The following THSD4 variants were observed in gnomAD, a reference collection of about 807,000 sequenced individuals.
The protein encoded by THSD4 is thrombospondin type-1 domain-containing protein 4.
A neutral mutation model predicts 119.0 loss-of-function variants in THSD4; 69 were observed. The observed-to-expected ratio is 0.58, with a 90% CI of 0.48 to 0.71. The LOEUF (loss-of-function observed/expected upper bound fraction) is 0.71, where lower values mean the gene tolerates loss of function less well. Ranked by LOEUF, THSD4 falls within the 30% of genes least tolerant of loss-of-function variation. The pLI, the probability that THSD4 is intolerant of heterozygous loss-of-function variation, is 0.00. For synonymous variants in THSD4, 524 were observed against 540.4 expected, an observed-to-expected ratio of 0.97 and a Z score of 0.42; for missense variants, 1,393 against 1,391.1, an observed-to-expected ratio of 1.00 and a Z score of -0.02.
chr15:71,704,140 G>A (rs571231661), intron 8 of THSD4, among the ~76,000 whole-genome samples: 8 of 152,314 alleles, frequency 5.3e-5, no homozygotes, highest in East Asian at 1.9e-4. Context: ...GAGCCACTGC[G>A]CCTGGCCTGA....
intron 7 of THSD4, among the ~76,000 whole-genome samples, chr15:71,506,341 C>T (rs2048186825): frequency 1.3e-5 from 2 of 152,208 alleles, no homozygotes; most frequent in African/African-American, 4.8e-5. Context: ...CAGCCTCTCC[C>T]TCCAAACTGC....
At position 71,482,716 on chromosome 15, in the gene THSD4, G is replaced by C. The variant is rs999739894; in HGVS notation, c.1152+70893G>C. ...TTCTCTTGCCTCAGCCTCCCAAGTAGCTGAGACTACAGGTGGCCGCCTCCA... is the reference window on the plus strand; with the variant it reads ...TTCTCTTGCCTCAGCCTCCCAAGTACCTGAGACTACAGGTGGCCGCCTCCA... On this transcript the variant is annotated intron_variant, in intron 7 of 17. Coordinates refer to ENST00000261862, the MANE Select transcript of THSD4 (RefSeq NM_024817.3). Among the ~76,000 whole-genome samples, 6 of 152,200 alleles carry C rather than the reference G, an allele frequency of 3.9e-5. 1 individual carries two copies. The highest frequency in any genetic ancestry group is 1.3e-4 in the Admixed American group (2 of 15,290).
chr15:71,596,413 G>A (rs2049908565), intron 7 of THSD4, among the ~76,000 whole-genome samples: 2 of 152,096 alleles, frequency 1.3e-5, no homozygotes, highest in Admixed American at 1.3e-4. Flanking sequence ...GTGGCCATCT[G>A]TTTTTCTGAT....
chr15:71,223,556 A>G (rs1474203917), intron 4 of THSD4, among the ~76,000 whole-genome samples: 1 of 152,202 alleles, frequency 6.6e-6, no homozygotes, highest in Non-Finnish European at 1.5e-5. Flanking sequence ...AGGGCTTAAT[A>G]GACATTGCCT....
Position 71,506,309 on chromosome 15 carries a change from C to T in THSD4, c.1152+94486C>T, listed in dbSNP as rs79327686. ...ATGATGTTTAGAACAATGCATTACCCGTCAGGATGAGTGATCTGTTTCAGC... is the reference window on the plus strand; with the variant it reads ...ATGATGTTTAGAACAATGCATTACCTGTCAGGATGAGTGATCTGTTTCAGC... On this transcript the variant is annotated intron_variant, in intron 7 of 17. Transcript: ENST00000261862. Among the ~76,000 whole-genome samples the T allele has an allele frequency of 6.1e-3, 923 of 152,242 alleles. 11 individuals carry two copies. The highest frequency in any genetic ancestry group is 0.016 in the African/African-American group (685 of 41,530).
chr15:71,532,283 A>AGAGTGTGTGTGT (rs1379506089), intron 7 of THSD4, among the ~76,000 whole-genome samples: 2 of 101,574 alleles, frequency 2.0e-5, no homozygotes, highest in African/African-American at 6.9e-5. Flanking sequence ...AGAGAGAGAG[A>AGAGTGTGTGTGT]GTGTGTGTGT....
At chr15:71,706,492 G>A (rs574005056) in intron 8 of THSD4, among the ~76,000 whole-genome samples, 199 of 152,246 alleles carry the variant, frequency 1.3e-3, no homozygotes, top group Admixed American at 2.4e-3. Flanking sequence ...GTGGATAGTT[G>A]GGATTGTCCA....
chr15:71,563,193 C>T (rs1197883392), intron 7 of THSD4, among the ~76,000 whole-genome samples: 3 of 152,130 alleles, frequency 2.0e-5, no homozygotes, highest in Non-Finnish European at 4.4e-5. Flanking sequence ...GTTTAGTGAA[C>T]CTTTACATCA....
chr15:71,709,879 T>C (rs1405237785), intron 8 of THSD4, among the ~76,000 whole-genome samples: 2 of 152,172 alleles, frequency 1.3e-5, no homozygotes, highest in Non-Finnish European at 2.9e-5. Flanking sequence ...AAAAAAACTT[T>C]TCAGGTGCTT....
At chr15:71,728,188 C>T (rs967446125) in intron 8 of THSD4, among the ~76,000 whole-genome samples, 2 of 152,144 alleles carry the variant, frequency 1.3e-5, no homozygotes, top group African/African-American at 4.8e-5. Context: ...AGCGTGCAAC[C>T]TCTCACCTAG....
intron 7 of THSD4, among the ~76,000 whole-genome samples, chr15:71,523,212 G>A (rs2048467940): frequency 6.6e-6 from 1 of 152,182 alleles, no homozygotes; most frequent in South Asian, 2.1e-4. Flanking sequence ...CTGAAATCAA[G>A]AATCAAGGCC....
At chr15:71,466,543 G>T (rs1012747714) in intron 7 of THSD4, among the ~76,000 whole-genome samples, 7 of 152,128 alleles carry the variant, frequency 4.6e-5, no homozygotes, top group Non-Finnish European at 1.0e-4. Flanking sequence ...CCTTCCTTGA[G>T]TCTTCATTCT....
chr15:71,753,902 A>G (rs565748518), intron 14 of THSD4, among the ~76,000 whole-genome samples: 1 of 152,128 alleles, frequency 6.6e-6, no homozygotes, highest in Non-Finnish European at 1.5e-5. Flanking sequence ...ATGGTCCTTC[A>G]TATTCTTCTT....
intron 7 of THSD4, among the ~76,000 whole-genome samples, chr15:71,513,745 C>T (rs2048315183): frequency 6.6e-6 from 1 of 152,144 alleles, no homozygotes; most frequent in African/African-American, 2.4e-5. Flanking sequence ...TTATTAGCAG[C>T]TCTATTCGTA....
chr15:71,219,358 A>G (rs2043957534), intron 4 of THSD4, among the ~76,000 whole-genome samples: 1 of 152,198 alleles, frequency 6.6e-6, no homozygotes, highest in Non-Finnish European at 1.5e-5. Flanking sequence ...GTTTCCATGG[A>G]AAAGATTTTG....
At chr15:71,213,835 T>C (rs950505983) in intron 3 of THSD4, among the ~76,000 whole-genome samples, 1 of 152,250 alleles carries the variant, frequency 6.6e-6, no homozygotes, top group African/African-American at 2.4e-5. Flanking sequence ...CTCTCTGCTA[T>C]GCACATGGAT....
chr15:71,500,382 C>T (rs1253868947), intron 7 of THSD4, among the ~76,000 whole-genome samples: 1 of 152,084 alleles, frequency 6.6e-6, no homozygotes, highest in Non-Finnish European at 1.5e-5. Flanking sequence ...ATTAATCTCT[C>T]CTCAGATATA....
intron 6 of THSD4, among the ~76,000 whole-genome samples, chr15:71,329,898 T>C (rs2140371682): frequency 6.6e-6 from 1 of 152,186 alleles, no homozygotes; most frequent in African/African-American, 2.4e-5. Context: ...CTGGGCAACA[T>C]GGTGAAACTT....
intron 7 of THSD4, among the ~76,000 whole-genome samples, chr15:71,447,118 G>GTT (rs1555414736): frequency 0.41 from 30,965 of 75,448 alleles, 5,446 homozygotes; most frequent in East Asian, 0.58. Flanking sequence ...CATTTTTTTT[G>GTT]TTTTTTTTTT....
Sources: allele counts gnomAD v4.1 joint callset (sites outside exome capture counted in the v4.1 genomes callset), GRCh38; gene constraint gnomAD v4.1.1; transcripts MANE v1.5; gene names NCBI Gene and HGNC (gene_info 2026-07-23, HGNC 2026-07-21).